Variants in GBP7 observed in about 807,000 individuals in gnomAD.
GBP7 encodes guanylate binding protein 7.
Under a neutral mutation model 61.3 loss-of-function variants are expected in GBP7, and 43 were observed. The observed-to-expected ratio is 0.70, with a 90% CI of 0.55 to 0.91. The LOEUF is 0.91. GBP7 is among the 40% of genes least tolerant of loss of function. The pLI is 0.00. For synonymous variants in GBP7, 267 were observed against 271.0 expected (o/e 0.99, Z 0.14); for missense variants, 717 against 740.5 (o/e 0.97, Z 0.37).
At chr1:89,159,903 C>T (rs142684640) in intron 3 of GBP7, among the ~76,000 whole-genome samples, 50 of 152,318 alleles carry the variant, frequency 3.3e-4, no homozygotes, top group African/African-American at 1.2e-3. Flanking sequence ...TATAAAGACA[C>T]ATGCACACGT....
chr1:89,156,868 C>T (rs1286800979), intron 3 of GBP7, among the ~76,000 whole-genome samples: 9 of 152,104 alleles, frequency 5.9e-5, no homozygotes, highest in Non-Finnish European at 1.2e-4. Flanking sequence ...TAATAGACAT[C>T]AGAGCTCTCC....
At chr1:89,137,259 T>C (rs1681827746) in intron 9 of GBP7, among the ~76,000 whole-genome samples, 1 of 151,954 alleles carries the variant, frequency 6.6e-6, no homozygotes, top group African/African-American at 2.4e-5. Flanking sequence ...TACTAAACTA[T>C]TCCAAAAAAA....
chr1:89,136,320 A>G (rs1003962187), intron 9 of GBP7, among the ~76,000 whole-genome samples: 1 of 152,174 alleles, frequency 6.6e-6, no homozygotes, highest in Non-Finnish European at 1.5e-5. Flanking sequence ...GACCTAACAG[A>G]CATCTACAGA....
intron 2 of GBP7, among the ~76,000 whole-genome samples, chr1:89,167,196 A>G (rs1647469182): frequency 1.3e-5 from 2 of 152,182 alleles, no homozygotes; most frequent in African/African-American, 2.4e-5. Flanking sequence ...CATGCATGGT[A>G]TTCACTTGTT....
intron 3 of GBP7, among the ~76,000 whole-genome samples, chr1:89,157,951 A>C (rs985440832): frequency 1.3e-5 from 2 of 152,214 alleles, no homozygotes; most frequent in African/African-American, 4.8e-5. Context: ...ACATCAGTGC[A>C]AAAATCCTCA....
chr1:89,146,697 G>A (rs1406053369), intron 8 of GBP7, among the ~76,000 whole-genome samples: 3 of 152,056 alleles, frequency 2.0e-5, no homozygotes, highest in South Asian at 2.1e-4. Context: ...AGCATGTTCC[G>A]CATCACTAAT....
chr1:89,149,536 A>C lies in GBP7; in HGVS notation c.908T>G (p.Ile303Ser). The C allele has an allele frequency of 6.2e-7, 1 of 1,614,054 alleles. No individual in the cohort carries two copies. The highest frequency in any genetic ancestry group is 8.5e-7 in the Non-Finnish European group (1 of 1,179,982). Residue 303 changes from isoleucine to serine, a missense_variant, in exon 7 of 11, where the codon ATC becomes AGC. This residue lies in a region of GBP7 where 387 missense variants were observed against 385.2 expected (regional missense o/e 1.00). Transcript: ENST00000294671. ...GMLVETYLDA[I>S]NSGATPCLEN... Reference sequence around the variant, plus strand: ...CAGACAAGGAGTCGCTCCACTGTTGATGGCATCCAGGTAGGTCTCCACCAG... The same window carrying C: ...CAGACAAGGAGTCGCTCCACTGTTGCTGGCATCCAGGTAGGTCTCCACCAG...
At position 89,164,867 on chromosome 1, in the gene GBP7, G is replaced by A; in HGVS notation, c.191-9C>T. 1 of 1,613,254 alleles carries A rather than the reference G, an allele frequency of 6.2e-7. No homozygotes were observed. The highest frequency in any genetic ancestry group is 1.1e-5 in the South Asian group (1 of 91,060). On this transcript the variant is annotated splice_polypyrimidine_tract_variant and intron_variant, in intron 2 of 10. Transcript: ENST00000294671. ...GCAGCCCAGAGGGAAGCCTTCAAGG[G>A]AAGAGGAGAAACAACATATAGTGAC...
chr1:89,173,772 A>T (rs920089197), intron 1 of GBP7, among the ~76,000 whole-genome samples: 22 of 152,096 alleles, frequency 1.4e-4, no homozygotes, highest in African/African-American at 5.3e-4. Flanking sequence ...AGTATGATTT[A>T]TTTTTTGAGT....
intron 9 of GBP7, among the ~76,000 whole-genome samples, chr1:89,137,263 A>C (rs1681827833): frequency 6.6e-6 from 1 of 151,788 alleles, no homozygotes; most frequent in South Asian, 2.1e-4. Context: ...AAACTATTCC[A>C]AAAAAAATGG....
intron 8 of GBP7, among the ~76,000 whole-genome samples, chr1:89,143,893 T>C (rs1682009115): frequency 6.6e-6 from 1 of 152,146 alleles, no homozygotes; most frequent in Non-Finnish European, 1.5e-5. Context: ...TAGCCCAACT[T>C]GATCAATGGG....
At chr1:89,152,104 C>T (rs753389477) in intron 5 of GBP7, among the ~76,000 whole-genome samples, 164 bp downstream of exon 5, 3 of 152,066 alleles carry the variant, frequency 2.0e-5, no homozygotes, top group Non-Finnish European at 4.4e-5. Flanking sequence ...AAATTTCAAG[C>T]AAAAATAACC....
chr1:89,148,893 A>G (rs1682127897), intron 7 of GBP7, among the ~76,000 whole-genome samples: 1 of 152,222 alleles, frequency 6.6e-6, no homozygotes, highest in Non-Finnish European at 1.5e-5. Flanking sequence ...TTGAAATGTA[A>G]CATAATCTGT....
At chr1:89,158,522 C>A (rs1330321637) in intron 3 of GBP7, among the ~76,000 whole-genome samples, 2 of 152,148 alleles carry the variant, frequency 1.3e-5, no homozygotes, top group Admixed American at 6.5e-5. Flanking sequence ...TCTCAGGATA[C>A]AAAATCAATG....
chr1:89,163,056 A>G (rs140042159), intron 3 of GBP7, among the ~76,000 whole-genome samples: 1 of 152,254 alleles, frequency 6.6e-6, no homozygotes, highest in Non-Finnish European at 1.5e-5. Context: ...TTATGGGATG[A>G]ATCACATTTA....
chr1:89,156,605 A>C (rs1428262615), intron 3 of GBP7, among the ~76,000 whole-genome samples: 2 of 152,190 alleles, frequency 1.3e-5, no homozygotes, highest in African/African-American at 4.8e-5. Flanking sequence ...TGAAAGAGAC[A>C]AAGAAGGCCA....
chr1:89,146,995 C>T (rs964338670), intron 8 of GBP7, among the ~76,000 whole-genome samples: 1 of 152,190 alleles, frequency 6.6e-6, no homozygotes, highest in South Asian at 2.1e-4. Flanking sequence ...ATTTATTAGC[C>T]TCTCCATGCA....
At chr1:89,172,203 TCCC>T (rs982820415) in intron 1 of GBP7, among the ~76,000 whole-genome samples, 2 of 152,162 alleles carry the variant, frequency 1.3e-5, no homozygotes, top group Non-Finnish European at 2.9e-5. Context: ...TTCCCTGGCT[TCCC>T]CTAATGTCGA....
At chr1:89,149,723 A>G (rs1682150039) in intron 6 of GBP7, 151 bp from the exon 7 acceptor site, 3 of 609,692 alleles carry the variant, frequency 4.9e-6, no homozygotes, top group Non-Finnish European at 5.6e-6. Context: ...TATTACTACT[A>G]CTACTTTTTA....
Sources: allele counts gnomAD v4.1 joint callset (sites outside exome capture counted in the v4.1 genomes callset), GRCh38; gene constraint gnomAD v4.1.1; regional missense constraint gnomAD v4.1.1; transcripts MANE v1.5; gene names NCBI Gene and HGNC (gene_info 2026-07-23, HGNC 2026-07-21).